OXA1L: variants seen among roughly 807,000 people sequenced by gnomAD.
OXA1L encodes the protein OXA1L mitochondrial inner membrane insertase.
OXA1L carries 42 observed loss-of-function variants against 52.2 expected under a neutral mutation model. The ratio of observed to expected loss-of-function variants is 0.80; its 90% CI spans 0.63 to 1.04. OXA1L has a LOEUF of 1.04. OXA1L is among the 50% of genes least tolerant of loss of function. The pLI, the probability that OXA1L is intolerant of heterozygous loss-of-function variation, is 0.00. For missense variants in OXA1L, 572 were observed against 555.0 expected, an observed-to-expected ratio of 1.03 and a Z score of -0.31; for synonymous variants, 239 against 201.9, an observed-to-expected ratio of 1.18 and a Z score of -1.56.
rs56136068 is a variant in OXA1L, at chr14:22,772,488, CAAAAAAAAAAAAAAAAA to C, written c.*945_*961del. On this transcript the variant is annotated 3_prime_UTR_variant, in exon 10 of 10. Transcript: ENST00000612549. Reference sequence around the variant, plus strand: ...TGGGCAAGAGAGTGAGACTCCTTCTCAAAAAAAAAAAAAAAAAAAAAAAAAAAAAAACAGTTTAAACT... The same window carrying C: ...TGGGCAAGAGAGTGAGACTCCTTCTCAAAAAAAAAAAAAACAGTTTAAACT... 6.6e-5 allele frequency: 5 copies of C among 76,006 alleles called. No homozygotes were observed. Among genetic ancestry groups the C allele is most frequent in the African/African-American group, 1.3e-4 (2 of 15,966 alleles). 4.7% of individuals were successfully genotyped at this position (76,006 alleles called of 1,614,324 possible).
chr14:22,768,341 A>G (rs1030075389), intron 3 of OXA1L, 170 bp downstream of exon 3: 3 of 604,676 alleles, frequency 5.0e-6, no homozygotes, highest in Non-Finnish European at 8.9e-6. Context: ...ATATTTCTTA[A>G]AGAGCATTAT....
rs774769531 is a variant in OXA1L, at chr14:22,771,501, C to G, written c.1251C>G (p.Ile417Met). 1.1e-4 allele frequency: 168 copies of G among 1,558,150 alleles called. No individual in the cohort carries two copies. The Middle Eastern group carries it at 1.7e-3, about 16-fold the overall frequency. Residue 417 changes from isoleucine (I) to methionine (M), a missense_variant, in exon 10 of 10, where the codon ATC becomes ATG. By Grantham distance (10) the Ile-to-Met change is conservative. This residue lies in a region of OXA1L where 244 missense variants were observed against 240.2 expected (regional missense o/e 1.02). Transcript: ENST00000612549. ...CTGGAAAGGATAACCCTCCCAATATCCCTAGCAGCAGCAGCAAACCAAAGT... is the reference window on the plus strand; with the variant it reads ...CTGGAAAGGATAACCCTCCCAATATGCCTAGCAGCAGCAGCAAACCAAAGT... ...LQPGKDNPPN[I>M]PSSSSKPKSK...
chr14:22,767,129 T>TCC, intron 1 of OXA1L, 119 bp from the exon 2 acceptor site: 1 of 1,523,360 alleles, frequency 6.6e-7, no homozygotes, highest in Non-Finnish European at 8.8e-7. Context: ...AGCAATGTCC[T>TCC]CCCCTGTAGT....
Position 22,767,962 on chromosome 14 carries a change from A to G in OXA1L, c.230A>G (p.Gln77Arg), listed in dbSNP as rs2038423701. The G allele has an allele frequency of 6.2e-7, 1 of 1,610,932 alleles. No individual in the cohort carries two copies. The highest frequency in any genetic ancestry group is 1.1e-5 in the South Asian group (1 of 91,004). ...SAISFAEVQV[Q>R]APPVVAATPS... The stretch of plus-strand genomic sequence containing the variant: ...ACAAGGCTTTCTTTCACACAGGTTC[A>G]GGCCCCTCCTGTTGTTGCTGCAACT... The change falls in exon 3 of 10, where the codon CAG becomes CGG. Residue 77 changes from glutamine (Q) to arginine (R), a missense_variant. By Grantham distance (43) the Gln-to-Arg change is conservative (BLOSUM62 1). This residue lies in a region of OXA1L where 186 missense variants were observed against 151.8 expected (regional missense o/e 1.23). Transcript: ENST00000612549.
chr14:22,769,144 G>A (rs898807561), intron 3 of OXA1L, among the ~76,000 whole-genome samples: 1 of 151,726 alleles, frequency 6.6e-6, no homozygotes, highest in African/African-American at 2.4e-5. Flanking sequence ...TCACCCTGTT[G>A]TGCAATCAAT....
Position 22,768,125 on chromosome 14 carries a change from T to C in OXA1L, c.393T>C (p.Phe131=), listed in dbSNP as rs377195133. 1 of 1,614,230 alleles carries C rather than the reference T, an allele frequency of 6.2e-7. No homozygotes were observed. The highest frequency in any genetic ancestry group is 1.3e-5 in the African/African-American group (1 of 75,064). ...PVGLIQNLLE[F]MHVDLGLPWW... ...GACTGATCCAGAATTTACTGGAATT[T>C]ATGCATGTTGATCTGGGCCTACCTT... Residue 131 remains phenylalanine (F), a synonymous_variant, in exon 3 of 10, where the codon TTT becomes TTC. Transcript: ENST00000612549.
At chr14:22,770,021 A>G in intron 4 of OXA1L, 87 bp downstream of exon 4, 2 of 1,539,130 alleles carry the variant, frequency 1.3e-6, no homozygotes, top group Non-Finnish European at 9.0e-7. Flanking sequence ...AATGTAAATC[A>G]GAAGTTGCCA....
In OXA1L at chr14:22,771,196, C is replaced by G. The variant is rs1304728934; in HGVS notation, c.1102+16C>G. Reference sequence around the variant, plus strand: ...TTCAAAAAAGGTAAGGGCTCATCCTCTGTGAAAAAGGACTAGGGAAAGGGG... The same window carrying G: ...TTCAAAAAAGGTAAGGGCTCATCCTGTGTGAAAAAGGACTAGGGAAAGGGG... On this transcript the variant is annotated intron_variant, in intron 8 of 9. Transcript: ENST00000612549. The G allele has an allele frequency of 5.0e-6, 8 of 1,613,294 alleles. No homozygotes were observed. In the African/African-American group the frequency reaches 1.1e-4, roughly 22 times the overall value.
rs776288574 is a variant in OXA1L, at chr14:22,767,428, C to T, written c.225+19C>T. The T allele has an allele frequency of 2.5e-5, 39 of 1,581,432 alleles. No individual in the cohort carries two copies. In the Middle Eastern group the frequency reaches 1.4e-3, roughly 55 times the overall value. On this transcript the variant is annotated intron_variant, in intron 2 of 9. Coordinates refer to ENST00000612549, the MANE Select transcript of OXA1L (RefSeq NM_005015.5). ...AGTCCAGGTAAGAGGCCTTTCGTTC[C>T]TGCAATATTAGGAGTGGTGTTTCCT...
rs757258887 is a variant in OXA1L, at chr14:22,769,941, C to A, written c.583+7C>A. ...GCAGGAGACCATATTGAGTGTGAGT[C>A]AGTTGCAGAATGAGCGTGGGAGAAG... On this transcript the variant is annotated splice_region_variant and intron_variant, in intron 4 of 9. Transcript: ENST00000612549. The A allele has an allele frequency of 1.2e-6, 2 of 1,614,028 alleles. No individual in the cohort carries two copies. The highest frequency in any genetic ancestry group is 1.1e-5 in the South Asian group (1 of 91,038).
At chr14:22,770,095 G>C (rs1230110266) in intron 4 of OXA1L, 98 bp from the exon 5 acceptor site, 2 of 1,344,618 alleles carry the variant, frequency 1.5e-6, no homozygotes, top group Non-Finnish European at 1.1e-6. Flanking sequence ...GAGTGGCCAG[G>C]GTTGGTTAGA....
At position 22,769,927 on chromosome 14, in the gene OXA1L, T is replaced by C. The variant is rs1189694316; in HGVS notation, c.576T>C (p.His192=). 1.1e-5 allele frequency: 18 copies of C among 1,613,948 alleles called. No homozygotes were observed. The highest frequency in any genetic ancestry group is 1.4e-5 in the Non-Finnish European group (16 of 1,180,004). The change falls in exon 4 of 10, where the codon CAT becomes CAC. Residue 192 remains histidine, a synonymous_variant. Coordinates refer to ENST00000612549, the MANE Select transcript of OXA1L (RefSeq NM_005015.5). ...GAGAGGCCAAGTTAGCAGGAGACCA[T>C]ATTGAGTGTGAGTCAGTTGCAGAAT... ...RIREAKLAGD[H]IEYYKASSEM... is the part of the protein sequence containing the mutation.
At position 22,771,573 on chromosome 14, in the gene OXA1L, G is replaced by A. The variant is rs769619634; in HGVS notation, c.*15G>A. 1.3e-5 allele frequency: 21 copies of A among 1,613,820 alleles called. No individual in the cohort carries two copies. The highest frequency in any genetic ancestry group is 5.5e-5 in the South Asian group (5 of 91,062). Reference sequence around the variant, plus strand: ...CACTTGGCTGACTTATGTTCTGTGCGCATTCTGGCAGGAATTCTGTCTCTT... The same window carrying A: ...CACTTGGCTGACTTATGTTCTGTGCACATTCTGGCAGGAATTCTGTCTCTT... On this transcript the variant is annotated 3_prime_UTR_variant, in exon 10 of 10. Coordinates refer to ENST00000612549, the MANE Select transcript of OXA1L (RefSeq NM_005015.5).
Position 22,766,967 on chromosome 14 carries a change from G to T in OXA1L, c.63+203G>T, listed in dbSNP as rs1042495929. On this transcript the variant is annotated intron_variant, in intron 1 of 9. Coordinates refer to ENST00000612549, the MANE Select transcript of OXA1L (RefSeq NM_005015.5). Reference sequence around the variant, plus strand: ...AGCCCGGTGTCAGCTTCTGGAATTGGCTTGGCTCCTGGCGAGAGCACCTCG... The same window carrying T: ...AGCCCGGTGTCAGCTTCTGGAATTGTCTTGGCTCCTGGCGAGAGCACCTCG... The T allele has an allele frequency of 3.3e-6, 5 of 1,523,962 alleles. No individual in the cohort carries two copies. The African/African-American group carries it at 6.9e-5, about 21-fold the overall frequency. 94.4% of individuals were successfully genotyped at this position (1,523,962 alleles called of 1,614,324 possible). A position where few individuals can be genotyped will look rare whatever the true frequency, so the allele number is the denominator to read the frequency against.
chr14:22,770,329 C>T (rs759653737), intron 5 of OXA1L, 51 bp downstream of exon 5: 1 of 1,528,714 alleles, frequency 6.5e-7, no homozygotes, highest in Admixed American at 1.7e-5. Context: ...ATGAAATTTC[C>T]TCTCTGTGTT....
chr14:22,767,003 C>T (rs1202443382), intron 1 of OXA1L: 5 of 1,534,618 alleles, frequency 3.3e-6, no homozygotes, highest in Non-Finnish European at 4.4e-6. Flanking sequence ...GCCTCGTTCT[C>T]AGGGCCCTCC....
intron 9 of OXA1L, 35 bp downstream of exon 9, chr14:22,771,383 G>A (rs1256652728): frequency 6.2e-7 from 1 of 1,613,796 alleles, no homozygotes; most frequent in South Asian, 1.1e-5. Flanking sequence ...TCTGTCTTTT[G>A]TTTCTTCCTT....
At position 22,771,040 on chromosome 14, in the gene OXA1L, C is replaced by A; in HGVS notation, c.962C>A (p.Ser321Tyr). The A allele has an allele frequency of 6.2e-7, 1 of 1,614,212 alleles. No individual in the cohort carries two copies. Among genetic ancestry groups the A allele is most frequent in the Non-Finnish European group, 8.5e-7 (1 of 1,180,042 alleles). Residue 321 changes from serine to tyrosine, a missense_variant, in exon 8 of 10, where the codon TCC becomes TAC. Transcript: ENST00000612549. ...FPTAVFMYWLSSNLFSLVQVS... is the reference protein window; with the variant it reads ...FPTAVFMYWLYSNLFSLVQVS... ...CAGGCAGTGTTTATGTACTGGCTCT[C>A]CTCCAATTTGTTTTCCCTGGTCCAA... is the stretch of plus-strand genomic sequence containing the variant.
At position 22,770,854 on chromosome 14, in the gene OXA1L, A is replaced by T. The variant is rs754233702; in HGVS notation, c.884A>T (p.Asn295Ile). ...AGTTCTGACCTTCAGTGGATGAGAA[A>T]TGTCATCAGAATGATGCCCCTGATA... is the stretch of plus-strand genomic sequence containing the variant. ...VQSSDLQWMR[N>I]VIRMMPLITL... is the part of the protein sequence containing the mutation. The change falls in exon 7 of 10, where the codon AAT (asparagine) becomes ATT (isoleucine). Residue 295 changes from asparagine (N) to isoleucine (I), a missense_variant. Physicochemically the swap from Asn to Ile is moderately radical, Grantham distance 149. Transcript: ENST00000612549. 9.9e-6 allele frequency: 16 copies of T among 1,614,080 alleles called. No homozygotes were observed. The highest frequency in any genetic ancestry group is 1.3e-5 in the Non-Finnish European group (15 of 1,180,032).
Sources: allele counts gnomAD v4.1 joint callset (sites outside exome capture counted in the v4.1 genomes callset), GRCh38; gene constraint gnomAD v4.1.1; regional missense constraint gnomAD v4.1.1; transcripts MANE v1.5; gene names NCBI Gene and HGNC (gene_info 2026-07-23, HGNC 2026-07-21).